DLGAP1: variants seen among roughly 807,000 people sequenced by gnomAD.
The protein encoded by DLGAP1 is disks large-associated protein 1.
A neutral mutation model predicts 90.8 loss-of-function variants in DLGAP1; 11 were observed. The ratio of observed to expected loss-of-function variants is 0.12; its 90% CI spans 0.08 to 0.20. The LOEUF (loss-of-function observed/expected upper bound fraction) is 0.20, where lower values mean the gene tolerates loss of function less well. Among genes scored for constraint, DLGAP1 ranks in the 10% least tolerant of loss-of-function variants. The pLI, the probability that DLGAP1 is intolerant of heterozygous loss-of-function variation, is 1.00. For missense variants in DLGAP1, 1,050 were observed against 1,333.8 expected (o/e 0.79, Z 3.31); for synonymous variants, 558 against 540.7 (o/e 1.03, Z -0.44).
chr18:4,027,571 C>T (rs560192643), intron 2 of DLGAP1, among the ~76,000 whole-genome samples: 3 of 142,502 alleles, frequency 2.1e-5, no homozygotes, highest in Non-Finnish European at 4.6e-5. Flanking sequence ...TTAAATGAGA[C>T]GGCACACTTA....
rs529810081 is a variant in DLGAP1, at chr18:3,544,127, C to T, written c.2058-9512G>A. 3.1e-3 allele frequency among the ~76,000 whole-genome samples: 478 copies of T among 152,320 alleles called. 2 individuals carry two copies. Among genetic ancestry groups the T allele is most frequent in the Non-Finnish European group, 5.4e-3 (369 of 68,038 alleles). ...AAAGTAGGCCGGGCACGGTGGCTCA[C>T]GCCTGTAATCCCAACACCCGGGGAG... On this transcript the variant is annotated intron_variant, in intron 9 of 12. Coordinates refer to ENST00000315677, the MANE Select transcript of DLGAP1 (RefSeq NM_004746.4).
chr18:4,383,442 T>G lies in DLGAP1; in HGVS notation c.-267+71564A>C, dbSNP rs1029293816. Among the ~76,000 whole-genome samples, 4 of 152,124 alleles carry G rather than the reference T, an allele frequency of 2.6e-5. No individual in the cohort carries two copies. Among genetic ancestry groups the G allele is most frequent in the African/African-American group, 9.6e-5 (4 of 41,452 alleles). ...AAATATAATCCTAATAAAATGGGCATGTAAGATATCTCCCTCTAGTTTACT... is the reference window on the plus strand; with the variant it reads ...AAATATAATCCTAATAAAATGGGCAGGTAAGATATCTCCCTCTAGTTTACT... On this transcript the variant is annotated intron_variant, in intron 1 of 12. Transcript: ENST00000315677. The surrounding 1 kb of genome is among the most constrained non-coding windows in gnomAD (Gnocchi z 4.0).
At chr18:3,774,610 G>T (rs1568113622) in intron 5 of DLGAP1, 1 of 152,322 alleles carries the variant, frequency 6.6e-6, no homozygotes, top group Non-Finnish European at 1.5e-5. Flanking sequence ...GGATAGTGGT[G>T]GTGGGCCCAG....
Position 3,879,793 on chromosome 18 carries a change from C to T in DLGAP1, c.276G>A (p.Leu92=). Residue 92 remains leucine, a synonymous_variant, in exon 4 of 13, where the codon CTG becomes CTA. Transcript: ENST00000315677. The surrounding 1 kb of genome is among the most constrained non-coding windows in gnomAD (Gnocchi z 6.6). Reference sequence around the variant, plus strand: ...CGGGGATGCGGTTCGCCTTGGTGGCCAGGGTGCGGGGCACCAGGGCACACT... The same window carrying T: ...CGGGGATGCGGTTCGCCTTGGTGGCTAGGGTGCGGGGCACCAGGGCACACT... ...KDECALVPRT[L]ATKANRIPAN... 1.2e-6 allele frequency: 2 copies of T among 1,607,456 alleles called. No homozygotes were observed. The highest frequency in any genetic ancestry group is 2.7e-5 in the African/African-American group (2 of 75,054).
intron 2 of DLGAP1, among the ~76,000 whole-genome samples, chr18:4,135,895 T>C (rs1013951910): frequency 6.6e-6 from 1 of 152,000 alleles, no homozygotes; most frequent in East Asian, 1.9e-4. Context: ...ATACTTTAAG[T>C]TCTAGGGTAC....
rs1400988734 is a variant in DLGAP1, at chr18:3,534,335, G to T, written c.2338C>A (p.Pro780Thr). 5 of 1,614,216 alleles carry T rather than the reference G, an allele frequency of 3.1e-6. No individual in the cohort carries two copies. The South Asian group carries it at 4.4e-5, about 14-fold the overall frequency. ...DPWIDSITEDPLEAVQRSVCH... is the reference protein window; with the variant it reads ...DPWIDSITEDTLEAVQRSVCH... ...ACTGACCTTTGCACGGCCTCCAGAG[G>T]GTCTTCAGTGATAGAGTCAATCCAG... The change falls in exon 10 of 13, where the codon CCT becomes ACT. Residue 780 changes from proline to threonine, a missense_variant. Transcript: ENST00000315677.
At chr18:4,296,911 C>T (rs1239509651) in intron 1 of DLGAP1, among the ~76,000 whole-genome samples, 2 of 152,110 alleles carry the variant, frequency 1.3e-5, no homozygotes, top group African/African-American at 2.4e-5. Flanking sequence ...TTTAAACTTC[C>T]AACATCTTTC....
chr18:4,377,542 T>C (rs572518328), intron 1 of DLGAP1, among the ~76,000 whole-genome samples: 2 of 152,326 alleles, frequency 1.3e-5, no homozygotes, highest in East Asian at 3.9e-4. Context: ...ACAAGTTTTA[T>C]TGAAGAGCTT....
intron 5 of DLGAP1, among the ~76,000 whole-genome samples, chr18:3,742,905 T>TA (rs1280443667): frequency 6.6e-6 from 1 of 152,174 alleles, no homozygotes; most frequent in African/African-American, 2.4e-5. Flanking sequence ...TTGGTAACAG[T>TA]AAGTGGGTAT....
intron 1 of DLGAP1, among the ~76,000 whole-genome samples, chr18:4,221,535 C>T (rs1218519854): frequency 6.6e-6 from 1 of 152,018 alleles, no homozygotes; most frequent in Non-Finnish European, 1.5e-5. Flanking sequence ...GCACCTACTC[C>T]TTTCTCTTTT....
intron 3 of DLGAP1, among the ~76,000 whole-genome samples, chr18:3,999,166 T>C (rs1599297380): frequency 1.3e-5 from 2 of 152,128 alleles, no homozygotes; most frequent in Admixed American, 6.5e-5. Context: ...TATATATTTG[T>C]ATATAATTTG....
At chr18:4,364,566 C>T (rs2081716490) in intron 1 of DLGAP1, among the ~76,000 whole-genome samples, 1 of 151,776 alleles carries the variant, frequency 6.6e-6, no homozygotes, top group Admixed American at 6.6e-5. Flanking sequence ...TGAGATGCTG[C>T]CATATATTAT....
chr18:4,427,458 C>T (rs747839424), intron 1 of DLGAP1, among the ~76,000 whole-genome samples: 7 of 152,172 alleles, frequency 4.6e-5, no homozygotes, highest in Non-Finnish European at 7.4e-5. Flanking sequence ...AGTTCTCTAC[C>T]GGGCCTCCTA....
intron 7 of DLGAP1, among the ~76,000 whole-genome samples, chr18:3,685,563 C>CAAAAAA (rs59737533): frequency 1.7e-4 from 13 of 76,586 alleles, no homozygotes; most frequent in South Asian, 5.2e-4. Context: ...GATTCCGTCT[C>CAAAAAA]AAAAAAAAAA....
At chr18:4,401,423 C>A (rs1036319889) in intron 1 of DLGAP1, among the ~76,000 whole-genome samples, 1 of 152,138 alleles carries the variant, frequency 6.6e-6, no homozygotes, top group Admixed American at 6.5e-5. Context: ...ACAAAAGTAC[C>A]AGGCACTACA....
At chr18:3,860,101 A>AAAATAAATAAATAAAT (rs61248778) in intron 4 of DLGAP1, among the ~76,000 whole-genome samples, 18,820 of 144,230 alleles carry the variant, frequency 0.13, 1,559 homozygotes, top group South Asian at 0.2. Context: ...TCTGTCTCAA[A>AAAATAAATAAATAAAT]AAATAAATAA....
At chr18:4,439,850 G>A (rs1369186995) in intron 1 of DLGAP1, among the ~76,000 whole-genome samples, 1 of 152,074 alleles carries the variant, frequency 6.6e-6, no homozygotes, top group African/African-American at 2.4e-5. Context: ...CGGGCGCAGT[G>A]GCTCACGCCT....
intron 4 of DLGAP1, among the ~76,000 whole-genome samples, chr18:3,818,268 G>A (rs1040085230): frequency 2.6e-5 from 4 of 151,404 alleles, no homozygotes; most frequent in African/African-American, 9.7e-5. Context: ...CAGAAAACTG[G>A]AAGACCTGCC....
rs535671386 is a variant in DLGAP1 at position 4,171,845 on chromosome 18, A to C, written c.-266-20558T>G. Among the ~76,000 whole-genome samples, 20 of 152,308 alleles carry C rather than the reference A, an allele frequency of 1.3e-4. 1 individual carries two copies. In the South Asian group the frequency reaches 2.5e-3, roughly 19 times the overall value. ...ATTCCCCAGTATTAAGCCAACTTAC[A>C]TCCTTTTCACAAGTTCACTTCTGAG... On this transcript the variant is annotated intron_variant, in intron 1 of 12. Transcript: ENST00000315677.
Sources: gnomAD v4.1 joint callset for allele counts (sites outside exome capture counted in the v4.1 genomes callset) on GRCh38, gnomAD v4.1.1 for gene constraint, Gnocchi (gnomAD v3.1) non-coding constraint, MANE v1.5 for transcripts, NCBI Gene and HGNC (gene_info 2026-07-23, HGNC 2026-07-21) for gene names.